The following MARCHF1 variants were observed in gnomAD, a reference collection of about 807,000 sequenced individuals.
MARCHF1 encodes the protein E3 ubiquitin-protein ligase MARCHF1.
In MARCHF1, 40 loss-of-function variants were observed where a neutral mutation model predicts 54.2. The ratio of observed to expected loss-of-function variants is 0.74; its 90% CI spans 0.57 to 0.96. The LOEUF (loss-of-function observed/expected upper bound fraction) is 0.96, where lower values mean the gene tolerates loss of function less well. Among genes scored for constraint, MARCHF1 ranks in the 40% least tolerant of loss-of-function variants. The probability of loss-of-function intolerance (pLI) is 0.00; values close to 1 mark genes in which losing one functional copy is unlikely to be tolerated. For missense variants in MARCHF1, 586 were observed against 656.5 expected (o/e 0.89, Z 1.17); for synonymous variants, 236 against 236.3 (o/e 1.00, Z 0.01).
intron 4 of MARCHF1, among the ~76,000 whole-genome samples, chr4:163,830,225 A>G (rs7681020): frequency 0.8 from 121,936 of 151,542 alleles, 49,762 homozygotes; most frequent in South Asian, 0.91. Context: ...TTTCCTAGGA[A>G]TATTTCATCT....
intron 1 of MARCHF1, among the ~76,000 whole-genome samples, chr4:164,155,726 TA>T (rs1730059924): frequency 6.6e-6 from 1 of 152,154 alleles, no homozygotes; most frequent in Non-Finnish European, 1.5e-5. Context: ...CCATTAATAA[TA>T]CACTATTCAG....
intron 4 of MARCHF1, among the ~76,000 whole-genome samples, chr4:163,708,335 CCTT>C (rs1272545618): frequency 6.6e-6 from 1 of 152,012 alleles, no homozygotes; most frequent in Admixed American, 6.6e-5. Context: ...ATCTTTGTGT[CCTT>C]ATTTTTTTCC....
At chr4:164,108,905 C>CT (rs1181785785) in intron 2 of MARCHF1, among the ~76,000 whole-genome samples, 1 of 151,980 alleles carries the variant, frequency 6.6e-6, no homozygotes, top group East Asian at 1.9e-4. Flanking sequence ...TTTAAAAGTG[C>CT]TTATTAAAAC....
intron 4 of MARCHF1, among the ~76,000 whole-genome samples, chr4:163,760,692 A>C (rs889595056): frequency 1.3e-5 from 2 of 152,182 alleles, no homozygotes; most frequent in Admixed American, 1.3e-4. Flanking sequence ...AGTACATATA[A>C]ATTTCCATTT....
chr4:163,906,790 T>C (rs78641619), intron 3 of MARCHF1, among the ~76,000 whole-genome samples: 2,021 of 151,380 alleles, frequency 0.013, 48 homozygotes, highest in African/African-American at 0.046. Context: ...TCTTGTCTTA[T>C]AGAGACTAGG....
At chr4:164,309,507 G>C (rs1560996997) in intron 1 of MARCHF1, among the ~76,000 whole-genome samples, 1 of 152,186 alleles carries the variant, frequency 6.6e-6, no homozygotes, top group South Asian at 2.1e-4. Context: ...TCAGTCAGGG[G>C]GCTGAGTGCA....
chr4:164,034,269 G>C (rs1453228071), intron 2 of MARCHF1, among the ~76,000 whole-genome samples: 2 of 152,122 alleles, frequency 1.3e-5, no homozygotes, highest in Non-Finnish European at 2.9e-5. Flanking sequence ...CTCATAAGTG[G>C]AAGTTGAATG....
intron 1 of MARCHF1, among the ~76,000 whole-genome samples, chr4:164,226,158 A>G (rs1017123037): frequency 1.3e-5 from 2 of 152,072 alleles, no homozygotes; most frequent in African/African-American, 4.8e-5. Context: ...AATTAACATT[A>G]AGAATAAAAG....
chr4:163,878,730 T>C (rs1750348424), intron 3 of MARCHF1, among the ~76,000 whole-genome samples: 1 of 152,326 alleles, frequency 6.6e-6, no homozygotes, highest in East Asian at 1.9e-4. Context: ...GTGGTTCACG[T>C]AGAATTAAAA....
At chr4:164,206,939 A>C (rs1200218776) in intron 1 of MARCHF1, among the ~76,000 whole-genome samples, 1 of 152,166 alleles carries the variant, frequency 6.6e-6, no homozygotes, top group Admixed American at 6.5e-5. Context: ...AATACTAAAA[A>C]AATTGTATTA....
At chr4:163,796,160 G>A (rs1023191536) in intron 4 of MARCHF1, among the ~76,000 whole-genome samples, 4 of 151,372 alleles carry the variant, frequency 2.6e-5, no homozygotes, top group South Asian at 2.1e-4. Context: ...TTGTTCAAGG[G>A]TCAATTGCAT....
rs1186539050 is a variant in MARCHF1 at position 164,127,280 on chromosome 4, A to C, written c.-322-15618T>G. Among the ~76,000 whole-genome samples, 5 of 152,188 alleles carry C rather than the reference A, an allele frequency of 3.3e-5. No individual in the cohort carries two copies. The East Asian group carries it at 9.6e-4, about 29-fold the overall frequency. ...TGAAGGTGTGGCTTGTCTTCTCTTA[A>C]AAGCTTAAAGTAAAATGCAAGAAGA... is the stretch of plus-strand genomic sequence containing the variant. On this transcript the variant is annotated intron_variant, in intron 1 of 9. Coordinates refer to ENST00000514618, the MANE Select transcript of MARCHF1 (RefSeq NM_001394959.1).
chr4:163,998,650 C>T (rs1438462970), intron 2 of MARCHF1, among the ~76,000 whole-genome samples: 2 of 151,712 alleles, frequency 1.3e-5, no homozygotes, highest in East Asian at 1.9e-4. Context: ...CTTTACCCTC[C>T]TATCCTCGGT....
At chr4:164,285,263 T>G (rs1161068881) in intron 1 of MARCHF1, among the ~76,000 whole-genome samples, 1 of 151,962 alleles carries the variant, frequency 6.6e-6, no homozygotes, top group Non-Finnish European at 1.5e-5. Flanking sequence ...GAAGCAGTGG[T>G]ACCATGTCTG....
At chr4:163,669,956 C>T (rs1743674598) in intron 5 of MARCHF1, among the ~76,000 whole-genome samples, 1 of 152,058 alleles carries the variant, frequency 6.6e-6, no homozygotes, top group Admixed American at 6.6e-5. Context: ...CTTCTTAATT[C>T]TCCAAAGCCT....
At chr4:164,161,610 G>A (rs1245720773) in intron 1 of MARCHF1, among the ~76,000 whole-genome samples, 1 of 152,004 alleles carries the variant, frequency 6.6e-6, no homozygotes, top group Non-Finnish European at 1.5e-5. Context: ...ACCAAGAAGG[G>A]AGCATTGATG....
chr4:163,926,586 A>G (rs1278652075), intron 3 of MARCHF1, among the ~76,000 whole-genome samples: 1 of 151,660 alleles, frequency 6.6e-6, no homozygotes, highest in African/African-American at 2.4e-5. Flanking sequence ...ATCAATTTAC[A>G]TTCCCAACAT....
chr4:163,583,286 A>T (rs1740289689), intron 8 of MARCHF1, among the ~76,000 whole-genome samples: 2 of 152,248 alleles, frequency 1.3e-5, no homozygotes, highest in South Asian at 4.1e-4. Context: ...AAACAAATTC[A>T]CATGGATGGA....
At chr4:163,590,327 CAATA>C (rs1316794936) in intron 7 of MARCHF1, among the ~76,000 whole-genome samples, 2 of 151,006 alleles carry the variant, frequency 1.3e-5, no homozygotes, top group African/African-American at 4.9e-5. Flanking sequence ...CTCTTTCACT[CAATA>C]GTCATTTCAT....
Sources: allele counts gnomAD v4.1 joint callset (sites outside exome capture counted in the v4.1 genomes callset), GRCh38; gene constraint gnomAD v4.1.1; transcripts MANE v1.5; gene names NCBI Gene and HGNC (gene_info 2026-07-23, HGNC 2026-07-21).